The following NRK variants were observed in gnomAD, a reference collection of about 807,000 sequenced individuals.
NRK encodes nik-related protein kinase.
In NRK, 67 loss-of-function variants were observed where a neutral mutation model predicts 125.2. That is an observed-to-expected ratio of 0.54 (90% CI 0.44 to 0.66). NRK has a LOEUF of 0.66. Among genes scored for constraint, NRK ranks in the 30% least tolerant of loss-of-function variants. The pLI is 0.00. For missense variants in NRK, 1,224 were observed against 1,192.9 expected, an observed-to-expected ratio of 1.03 and a Z score of -0.38; for synonymous variants, 458 against 429.0, an observed-to-expected ratio of 1.07 and a Z score of -0.84.
At chrX:105,918,691 A>C (rs1225772371) in intron 16 of NRK, among the ~76,000 whole-genome samples, 1 of 110,850 alleles carries the variant, frequency 9.0e-6, no homozygotes, top group Non-Finnish European at 1.9e-5. Flanking sequence ...ACAACTAAAA[A>C]TTTAAGGTTT....
At chrX:105,830,265 G>T (rs1383535907) in intron 1 of NRK, among the ~76,000 whole-genome samples, 3 of 77,265 alleles carry the variant, frequency 3.9e-5, no homozygotes, top group Non-Finnish European at 6.6e-5. Context: ...AGTGAGCCAA[G>T]ATCACGCCAT....
chrX:105,882,459 C>G (rs2039895972), intron 4 of NRK, among the ~76,000 whole-genome samples: 1 of 111,280 alleles, frequency 9.0e-6, no homozygotes, highest in Non-Finnish European at 1.9e-5. Context: ...AAGATAATCT[C>G]TCTTTTTCAG....
intron 13 of NRK, among the ~76,000 whole-genome samples, chrX:105,911,851 C>T (rs2040306275): frequency 9.0e-6 from 1 of 111,537 alleles, no homozygotes; most frequent in African/African-American, 3.3e-5. Flanking sequence ...CACTTATTGT[C>T]ATTTATTGTT....
In NRK at chrX:105,906,418, C is replaced by T. The variant is rs746045211; in HGVS notation, c.850C>T (p.Arg284Cys). ...APTVKSSGWS[R>C]KFHNFMEKCT... ...TCTCTTTGACTCATTTTTTAGGTCC[C>T]GTAAGTTCCACAATTTCATGGAAAA... The change falls in exon 11 of 29, where the codon CGT (arginine) becomes TGT (cysteine). Residue 284 changes from arginine (R) to cysteine (C), a missense_variant. Physicochemically the swap from Arg to Cys is radical, Grantham distance 180. Coordinates refer to ENST00000243300, the MANE Select transcript of NRK (RefSeq NM_198465.4). The T allele has an allele frequency of 6.1e-6, 7 of 1,148,608 alleles. No homozygotes were observed. The highest frequency in any genetic ancestry group is 3.1e-5 in the East Asian group (1 of 32,428). 94.7% of individuals were successfully genotyped at this position (1,148,608 alleles called of 1,213,427 possible). A position where few individuals can be genotyped will look rare whatever the true frequency, so the allele number is the denominator to read the frequency against.
intron 2 of NRK, among the ~76,000 whole-genome samples, chrX:105,848,589 A>T (rs2039430942): frequency 8.9e-6 from 1 of 112,220 alleles, no homozygotes. Flanking sequence ...AATTTAAGTT[A>T]AGGAGGCTTA....
At chrX:105,955,094 G>A (rs1226123701) in intron 28 of NRK, among the ~76,000 whole-genome samples, 3 of 110,531 alleles carry the variant, frequency 2.7e-5, no homozygotes, top group Non-Finnish European at 5.7e-5. Flanking sequence ...AATTTCAATG[G>A]CTTCTTAAAT....
intron 19 of NRK, among the ~76,000 whole-genome samples, chrX:105,928,781 G>T (rs2040557054): frequency 2.7e-5 from 3 of 110,968 alleles, no homozygotes; most frequent in African/African-American, 9.8e-5. Context: ...TCCATATATT[G>T]TTACAGTTTT....
intron 9 of NRK, among the ~76,000 whole-genome samples, chrX:105,903,966 T>A (rs2040190044): frequency 8.9e-6 from 1 of 112,124 alleles, no homozygotes; most frequent in Non-Finnish European, 1.9e-5. Context: ...TAAAAATGCA[T>A]CTTCTATTAA....
Position 105,955,636 on chromosome X carries a change from C to A in NRK, c.*36C>A. The A allele has an allele frequency of 1.5e-6, 1 of 667,921 alleles. No homozygotes were observed. The highest frequency in any genetic ancestry group is 2.4e-6 in the Non-Finnish European group (1 of 421,520). 55.0% of individuals were successfully genotyped at this position (667,921 alleles called of 1,213,427 possible). On this transcript the variant is annotated 3_prime_UTR_variant, in exon 29 of 29. Transcript: ENST00000243300. ...TGATTTATTACCACATTATAAACAT[C>A]ATGTATAGGCAGTCTGCATCTTCAG... is the stretch of plus-strand genomic sequence containing the variant.
At chrX:105,823,200 C>T (rs1291728261) in intron 1 of NRK, among the ~76,000 whole-genome samples, 1 of 112,311 alleles carries the variant, frequency 8.9e-6, no homozygotes, top group African/African-American at 3.2e-5. Flanking sequence ...TGTGACCCGC[C>T]TTGTCTAGCG....
intron 4 of NRK, 37 bp from the exon 5 acceptor site, chrX:105,888,257 C>G: frequency 8.7e-7 from 1 of 1,143,176 alleles, no homozygotes; most frequent in African/African-American, 1.8e-5. Context: ...ATTGATTGCA[C>G]AGTTTAGGAG....
At chrX:105,925,982 G>T (rs1381808506) in intron 19 of NRK, among the ~76,000 whole-genome samples, 1 of 110,817 alleles carries the variant, frequency 9.0e-6, no homozygotes, top group African/African-American at 3.3e-5. Context: ...GGAATTATTG[G>T]ATCATATGGT....
At chrX:105,943,707 A>G (rs1249477265) in intron 23 of NRK, among the ~76,000 whole-genome samples, 1 of 111,849 alleles carries the variant, frequency 8.9e-6, no homozygotes, top group Non-Finnish European at 1.9e-5. Context: ...TCTTTCATCA[A>G]TGTTTTGGTG....
rs388428 is a variant in NRK at position 105,851,297 on chromosome X, C to T, written c.123+20178C>T. ...CCACTGCTTAGTTGAATTTGAGATTCTATGTGTAAACTAGAAATGTCAGAA... is the reference window on the plus strand; with the variant it reads ...CCACTGCTTAGTTGAATTTGAGATTTTATGTGTAAACTAGAAATGTCAGAA... On this transcript the variant is annotated intron_variant, in intron 2 of 28. Transcript: ENST00000243300. 7.0e-3 allele frequency among the ~76,000 whole-genome samples: 788 copies of T among 112,361 alleles called. 8 individuals are homozygous for T. Among genetic ancestry groups the T allele is most frequent in the South Asian group, 0.062 (168 of 2,720 alleles).
intron 2 of NRK, among the ~76,000 whole-genome samples, chrX:105,857,972 C>T (rs1254011351): frequency 9.0e-6 from 1 of 110,894 alleles, no homozygotes. Context: ...AGGCCTGTCA[C>T]CTGAGGAACC....
At chrX:105,897,428 A>G (rs899476920) in intron 7 of NRK, among the ~76,000 whole-genome samples, 3 of 112,272 alleles carry the variant, frequency 2.7e-5, no homozygotes, top group Non-Finnish European at 5.6e-5. Context: ...TCCAGCCTGT[A>G]AGGTCATGAA....
At chrX:105,880,138 G>C in intron 2 of NRK, 61 bp from the exon 3 acceptor site, 2 of 502,227 alleles carry the variant, frequency 4.0e-6, no homozygotes, top group East Asian at 8.6e-5. Flanking sequence ...TACTTTAATT[G>C]CTTCTTGATA....
chrX:105,931,485 C>G (rs186621055), intron 19 of NRK, among the ~76,000 whole-genome samples: 14 of 111,704 alleles, frequency 1.3e-4, no homozygotes, highest in African/African-American at 4.6e-4. Context: ...GTAGTAAGTA[C>G]TACAGTTGTC....
chrX:105,853,138 C>T (rs774827184), intron 2 of NRK, among the ~76,000 whole-genome samples: 2 of 111,388 alleles, frequency 1.8e-5, no homozygotes, highest in African/African-American at 6.5e-5. Flanking sequence ...ATGTTAATTC[C>T]CTTAGCATAG....
Sources: gnomAD v4.1 joint callset for allele counts (sites outside exome capture counted in the v4.1 genomes callset) on GRCh38, gnomAD v4.1.1 for gene constraint, MANE v1.5 for transcripts, NCBI Gene and HGNC (gene_info 2026-07-23, HGNC 2026-07-21) for gene names.